PAM: variants seen among roughly 807,000 people sequenced by gnomAD.
PAM encodes the protein peptidyl-glycine alpha-amidating monooxygenase.
A neutral mutation model predicts 122.1 loss-of-function variants in PAM; 72 were observed. The ratio of observed to expected loss-of-function variants is 0.59; its 90% CI spans 0.49 to 0.72. The LOEUF (loss-of-function observed/expected upper bound fraction) is 0.72, where lower values mean the gene tolerates loss of function less well. Ranked by LOEUF, PAM falls within the 30% of genes least tolerant of loss-of-function variation. The pLI is 0.00. For synonymous variants in PAM, 389 were observed against 404.4 expected (o/e 0.96, Z 0.46); for missense variants, 1,106 against 1,183.7 (o/e 0.93, Z 0.96).
At chr5:103,006,431 C>T (rs181900583) in intron 18 of PAM, among the ~76,000 whole-genome samples, 1 of 152,248 alleles carries the variant, frequency 6.6e-6, no homozygotes, top group Admixed American at 6.5e-5. Context: ...ACTTGGAAAA[C>T]ATCATCTCAG....
chr5:103,015,447 G>A (rs532459250), intron 21 of PAM, among the ~76,000 whole-genome samples: 14 of 152,102 alleles, frequency 9.2e-5, no homozygotes, highest in Non-Finnish European at 1.8e-4. Flanking sequence ...ATTTTGCTGG[G>A]GGTACCTCAA....
chr5:103,018,829 C>A (rs547388165), intron 22 of PAM, among the ~76,000 whole-genome samples: 1 of 152,254 alleles, frequency 6.6e-6, no homozygotes, highest in African/African-American at 2.4e-5. Context: ...ATTAAGGGAC[C>A]AGTTTCATGG....
intron 1 of PAM, among the ~76,000 whole-genome samples, chr5:102,768,666 A>C (rs1327126968): frequency 6.6e-6 from 1 of 152,164 alleles, no homozygotes; most frequent in Non-Finnish European, 1.5e-5. Flanking sequence ...CAAATGAGAG[A>C]ATCTCATTCT....
chr5:102,933,595 A>G (rs1752297579), intron 7 of PAM, among the ~76,000 whole-genome samples: 1 of 152,232 alleles, frequency 6.6e-6, no homozygotes, highest in Non-Finnish European at 1.5e-5. Flanking sequence ...CCTAACCACA[A>G]CTGAAAGAGT....
chr5:102,990,325 C>T lies in PAM; in HGVS notation c.1537C>T (p.Gln513Ter), dbSNP rs762542657. 6.2e-7 allele frequency: 1 copy of T among 1,608,702 alleles called. No individual in the cohort carries two copies. The highest frequency in any genetic ancestry group is 8.5e-7 in the Non-Finnish European group (1 of 1,176,296). ...DWPGVYLLPG[Q>*]VSGVALDPKN... is the part of the protein sequence containing the mutation. ...GCCTGGAGTATACTTGTTACCAGGCCAGGTTTCTGGGGTGGCTCTAGACCC... is the reference window on the plus strand; with the variant it reads ...GCCTGGAGTATACTTGTTACCAGGCTAGGTTTCTGGGGTGGCTCTAGACCC... The change falls in exon 16 of 26, where the codon CAG (glutamine) becomes TAG (stop). Residue 513 changes from glutamine to a stop codon, truncating the protein, a stop_gained. Coordinates refer to ENST00000438793, the MANE Select transcript of PAM (RefSeq NM_001177306.2). LOFTEE classifies it high-confidence loss of function.
chr5:102,818,280 A>G (rs893051931), intron 1 of PAM, among the ~76,000 whole-genome samples: 1 of 152,078 alleles, frequency 6.6e-6, no homozygotes, highest in Non-Finnish European at 1.5e-5. Context: ...AAAGAGTATA[A>G]TGGATTATGT....
intron 14 of PAM, among the ~76,000 whole-genome samples, chr5:102,962,027 A>G (rs903809612): frequency 7.2e-5 from 11 of 151,926 alleles, no homozygotes; most frequent in African/African-American, 2.7e-4. Context: ...GGATTTTTCT[A>G]TTAGCAACAT....
At chr5:102,771,217 T>C (rs1165796892) in intron 1 of PAM, among the ~76,000 whole-genome samples, 2 of 152,136 alleles carry the variant, frequency 1.3e-5, no homozygotes, top group East Asian at 3.9e-4. Context: ...TTATTTTTCA[T>C]TACAATATAT....
chr5:102,811,265 G>A (rs114571166), intron 1 of PAM, among the ~76,000 whole-genome samples: 4,106 of 152,270 alleles, frequency 0.027, 107 homozygotes, highest in African/African-American at 0.053. Flanking sequence ...AAGTCTCACT[G>A]CACTGAAACA....
rs142504880 is a variant in PAM at position 102,986,784 on chromosome 5, G to A, written c.1484-3488G>A. ...GGTCAGTTTCCCCCATACTGTTCTC[G>A]TGGTAGTGAATAAGTCTCACGAGAT... On this transcript the variant is annotated intron_variant, in intron 15 of 25. Coordinates refer to ENST00000438793, the MANE Select transcript of PAM (RefSeq NM_001177306.2). Among the ~76,000 whole-genome samples the A allele has an allele frequency of 6.6e-3, 1,011 of 152,152 alleles. 8 individuals are homozygous for A. The highest frequency in any genetic ancestry group is 0.012 in the Non-Finnish European group (840 of 67,996).
At chr5:102,932,759 T>G (rs916399308) in intron 7 of PAM, among the ~76,000 whole-genome samples, 1 of 151,960 alleles carries the variant, frequency 6.6e-6, no homozygotes, top group Non-Finnish European at 1.5e-5. Flanking sequence ...CAGAACAGAT[T>G]GGCAATGAAT....
intron 1 of PAM, among the ~76,000 whole-genome samples, chr5:102,776,260 A>G (rs1757158295): frequency 6.6e-6 from 1 of 152,012 alleles, no homozygotes; most frequent in Admixed American, 6.6e-5. Flanking sequence ...GATAGATTGG[A>G]AAGCTTTTCT....
intron 1 of PAM, chr5:102,807,914 G>A (rs37013): frequency 0.7 from 106,625 of 152,082 alleles, 37,792 homozygotes; most frequent in South Asian, 0.8. Context: ...ATCGCAATTA[G>A]TAGATTCAGA....
chr5:102,974,026 A>G, intron 14 of PAM, 90 bp from the exon 15 acceptor site: 1 of 779,678 alleles, frequency 1.3e-6, no homozygotes, highest in South Asian at 1.9e-5. Flanking sequence ...ATTATGAGAA[A>G]TGAGTAGATA....
intron 1 of PAM, among the ~76,000 whole-genome samples, chr5:102,774,924 C>T (rs1425168077): frequency 6.6e-6 from 1 of 151,118 alleles, no homozygotes; most frequent in South Asian, 2.1e-4. Flanking sequence ...CTTTCATTTC[C>T]CTCTATTGTT....
rs1280441840 is a variant in PAM, at chr5:102,948,383, CT to C, written c.584del (p.Leu195Ter). 2 of 1,571,462 alleles carry C rather than the reference CT, an allele frequency of 1.3e-6. No homozygotes were observed. The highest frequency in any genetic ancestry group is 8.7e-7 in the Non-Finnish European group (1 of 1,146,550). On this transcript the variant is annotated frameshift_variant, in exon 9 of 26. Transcript: ENST00000438793. LOFTEE classifies it high-confidence loss of function. ...VSLHLTRLPQ[P>X]LIAGMYLMMS... ...AATGTTATTTTTTTCTGCAGACAGC[CT>C]TTAATTGCTGGCATGTACCTTATGA...
At chr5:102,797,614 AT>A (rs1163514129) in intron 1 of PAM, among the ~76,000 whole-genome samples, 1 of 152,114 alleles carries the variant, frequency 6.6e-6, no homozygotes, top group Non-Finnish European at 1.5e-5. Flanking sequence ...TGCCTTGAAT[AT>A]TTTTCCAAAG....
chr5:102,891,805 CAA>C (rs1794864267), intron 3 of PAM, among the ~76,000 whole-genome samples: 2 of 151,790 alleles, frequency 1.3e-5, no homozygotes, highest in African/African-American at 4.8e-5. Flanking sequence ...GATGAAAAGA[CAA>C]GGATTTCAAA....
chr5:103,019,206 A>G lies in PAM; in HGVS notation c.2432-584A>G, dbSNP rs141924214. Among the ~76,000 whole-genome samples, 725 of 152,304 alleles carry G rather than the reference A, an allele frequency of 4.8e-3. 3 individuals carry two copies. Among genetic ancestry groups the G allele is most frequent in the Middle Eastern group, 0.024 (7 of 294 alleles). ...AAGATCTACAGAAAGAAGAGGAATAATATTATGTGTATTTTAGAAAGTCCT... is the reference window on the plus strand; with the variant it reads ...AAGATCTACAGAAAGAAGAGGAATAGTATTATGTGTATTTTAGAAAGTCCT... On this transcript the variant is annotated intron_variant, in intron 22 of 25. Coordinates refer to ENST00000438793, the MANE Select transcript of PAM (RefSeq NM_001177306.2).
Sources: gnomAD v4.1 joint callset for allele counts (sites outside exome capture counted in the v4.1 genomes callset) on GRCh38, gnomAD v4.1.1 for gene constraint, MANE v1.5 for transcripts, NCBI Gene and HGNC (gene_info 2026-07-23, HGNC 2026-07-21) for gene names.